The following CFAP74 variants were observed in gnomAD, a reference collection of about 807,000 sequenced individuals.
CFAP74 encodes the protein cilia and flagella associated protein 74, also known as cilia- and flagella-associated protein 74.
CFAP74 carries 124 observed loss-of-function variants against 188.9 expected under a neutral mutation model. That is an observed-to-expected ratio of 0.66 (90% CI 0.57 to 0.76). The LOEUF is 0.76. CFAP74 is among the 30% of genes least tolerant of loss of function. The pLI, the probability that CFAP74 is intolerant of heterozygous loss-of-function variation, is 0.00. For synonymous variants in CFAP74, 956 were observed against 916.7 expected (o/e 1.04, Z -0.77); for missense variants, 2,198 against 2,165.2 (o/e 1.02, Z -0.30).
chr1:1,957,826 T>A (rs1654766091), intron 16 of CFAP74, among the ~76,000 whole-genome samples: 1 of 151,466 alleles, frequency 6.6e-6, no homozygotes, highest in Admixed American at 6.6e-5. Flanking sequence ...TGGGCCTGAG[T>A]CTTGGCTCAC....
At chr1:1,978,647 G>T (rs28645949) in intron 6 of CFAP74, among the ~76,000 whole-genome samples, 46,058 of 152,016 alleles carry the variant, frequency 0.3, 7,260 homozygotes, top group Non-Finnish European at 0.34. Flanking sequence ...GATTCTCCTC[G>T]GAGGCTTCCG....
chr1:1,933,444 T>G (rs1291336683), intron 25 of CFAP74, among the ~76,000 whole-genome samples: 1 of 152,178 alleles, frequency 6.6e-6, no homozygotes, highest in Non-Finnish European at 1.5e-5. Flanking sequence ...CCTCCCAAAG[T>G]GCTGGGATTA....
chr1:1,929,050 C>G (rs964874010), intron 26 of CFAP74, among the ~76,000 whole-genome samples, 168 bp from the exon 27 acceptor site: 2 of 152,034 alleles, frequency 1.3e-5, no homozygotes, highest in Admixed American at 1.3e-4. Context: ...ACCTCTGTCC[C>G]CCAGGAGGCT....
At chr1:1,988,774 G>C (rs1657394993) in intron 3 of CFAP74, 115 bp downstream of exon 3, 4 of 1,342,892 alleles carry the variant, frequency 3.0e-6, no homozygotes, top group Non-Finnish European at 4.1e-6. Context: ...AGCTGCGGGA[G>C]CTACAGCCTG....
chr1:1,942,050 C>A lies in CFAP74; in HGVS notation c.2593G>T (p.Val865Leu). 1.3e-6 allele frequency: 2 copies of A among 1,523,788 alleles called. No homozygotes were observed. The highest frequency in any genetic ancestry group is 1.8e-6 in the Non-Finnish European group (2 of 1,141,570). 94.4% of individuals were successfully genotyped at this position (1,523,788 alleles called of 1,614,324 possible). A position where few individuals can be genotyped will look rare whatever the true frequency, so the allele number is the denominator to read the frequency against. ...TACCGCGGCAGGAACTTGAGCTGCA[C>A]GGAGTAGGACGACTGTGCCTGGATA... ...GYIQAQSSYSVQLKFLPRHSL... is the reference protein window; with the variant it reads ...GYIQAQSSYSLQLKFLPRHSL... Residue 865 changes from valine (V) to leucine (L), a missense_variant, in exon 22 of 39, where the codon GTG becomes TTG. Coordinates refer to ENST00000682832, the MANE Select transcript of CFAP74 (RefSeq NM_001304360.2). The surrounding 1 kb of genome is among the most constrained non-coding windows in gnomAD (Gnocchi z 4.3).
chr1:1,970,902 T>TGC, intron 9 of CFAP74, 86 bp from the exon 10 acceptor site: 1 of 1,522,972 alleles, frequency 6.6e-7, no homozygotes, highest in African/African-American at 1.4e-5. Flanking sequence ...CACACACAGG[T>TGC]TCATACATGC....
rs1347046581 is a variant in CFAP74, at chr1:1,965,043, C to T, written c.1420G>A (p.Asp474Asn). The change falls in exon 13 of 39, where the codon GAC becomes AAC. Residue 474 changes from aspartate to asparagine, a missense_variant. Asp to Asn is a conservative substitution (Grantham distance 23, BLOSUM62 1). Coordinates refer to ENST00000682832, the MANE Select transcript of CFAP74 (RefSeq NM_001304360.2). ...TTTGTCCCGCCCACGGGCTTTCGGT[C>T]CACGTCCTCCTTGGGCACCTGGGGG... is the stretch of plus-strand genomic sequence containing the variant. ...KPYQVPKEDV[D>N]RKPVGGTKMD... 1 of 1,612,928 alleles carries T rather than the reference C, an allele frequency of 6.2e-7. No individual in the cohort carries two copies. Among genetic ancestry groups the T allele is most frequent in the Non-Finnish European group, 8.5e-7 (1 of 1,179,318 alleles).
intron 14 of CFAP74, among the ~76,000 whole-genome samples, chr1:1,963,419 T>C (rs1481787342): frequency 8.1e-6 from 1 of 123,998 alleles, no homozygotes; most frequent in African/African-American, 3.2e-5. Context: ...CCATCGCACT[T>C]GCACTCCAGC....
intron 18 of CFAP74, chr1:1,953,791 G>A (rs1654351771): frequency 1.3e-5 from 2 of 153,480 alleles, no homozygotes; most frequent in South Asian, 2.1e-4. Flanking sequence ...GACCCTGGAG[G>A]AGAAAAAAAT....
chr1:1,975,106 CCACAGCTCTGTCCTAGA>C lies in CFAP74; in HGVS notation c.501-925_501-909del, dbSNP rs1477154678. Among the ~76,000 whole-genome samples, 1 of 152,246 alleles carries C rather than the reference CCACAGCTCTGTCCTAGA, an allele frequency of 6.6e-6. No individual in the cohort carries two copies. The highest frequency in any genetic ancestry group is 2.4e-5 in the African/African-American group (1 of 41,468). ...TTGCTGACATTCCACGTGACGTGTG[CCACAGCTCTGTCCTAGA>C]CACCCGCGATCATGTTCATTTCCAC... On this transcript the variant is annotated intron_variant, in intron 6 of 38. Transcript: ENST00000682832. This position sits in a 1 kb window ranked among gnomAD's most constrained non-coding sequence, Gnocchi z 4.5.
At position 1,926,965 on chromosome 1, in the gene CFAP74, T is replaced by C. The variant is rs764368004; in HGVS notation, c.3591A>G (p.Thr1197=). 2 of 1,550,132 alleles carry C rather than the reference T, an allele frequency of 1.3e-6. No homozygotes were observed. The highest frequency in any genetic ancestry group is 1.2e-5 in the South Asian group (1 of 84,072). Residue 1197 remains threonine, a synonymous_variant, in exon 29 of 39, where the codon ACA becomes ACG. Transcript: ENST00000682832. The part of the protein sequence containing the change: ...LLRAFQAKFD[T]FVVPCVVASG... Reference sequence around the variant, plus strand: ...TGGCAACAACACAGGGAACTACAAATGTGTCAAACTTCGCCTGGAACGCTC... The same window carrying C: ...TGGCAACAACACAGGGAACTACAAACGTGTCAAACTTCGCCTGGAACGCTC...
In CFAP74 at chr1:1,970,745, C is replaced by T. The variant is rs779109726; in HGVS notation, c.960G>A (p.Glu320=). The T allele has an allele frequency of 6.2e-7, 1 of 1,614,200 alleles. No homozygotes were observed. The highest frequency in any genetic ancestry group is 1.7e-5 in the Admixed American group (1 of 60,016). Residue 320 remains glutamate, a synonymous_variant, in exon 10 of 39, where the codon GAG becomes GAA. Transcript: ENST00000682832. Reference sequence around the variant, plus strand: ...TGCCCTGGGCCAGAATCGCCTTCTTCTCAGCCTGGACCCTCTGCTCCGCCA... The same window carrying T: ...TGCCCTGGGCCAGAATCGCCTTCTTTTCAGCCTGGACCCTCTGCTCCGCCA... ...AELAEQRVQA[E]KKAILAQGRD...
At chr1:1,954,041 C>G (rs1654367939) in intron 18 of CFAP74, 2 of 152,228 alleles carry the variant, frequency 1.3e-5, no homozygotes, top group African/African-American at 4.8e-5. Flanking sequence ...AAGGGATAGC[C>G]TTAAACAGAG....
intron 34 of CFAP74, 81 bp from the exon 35 acceptor site, chr1:1,924,010 T>G: frequency 1.1e-5 from 16 of 1,444,832 alleles, no homozygotes; most frequent in South Asian, 1.3e-5. Context: ...CATAGAGCTC[T>G]ACACCCTGCC....
At chr1:1,971,095 A>T (rs1197492773) in intron 9 of CFAP74, among the ~76,000 whole-genome samples, 1 of 148,508 alleles carries the variant, frequency 6.7e-6, no homozygotes, top group Non-Finnish European at 1.5e-5. Flanking sequence ...ATACATGCAC[A>T]CCTGCACACG....
intron 25 of CFAP74, among the ~76,000 whole-genome samples, chr1:1,931,911 C>T (rs1353534438): frequency 6.8e-6 from 1 of 146,774 alleles, no homozygotes; most frequent in African/African-American, 2.5e-5. Flanking sequence ...GAAAAAAATG[C>T]AAAAGTTAGC....
intron 25 of CFAP74, among the ~76,000 whole-genome samples, chr1:1,933,825 G>C (rs28493148): frequency 0.013 from 1,998 of 152,144 alleles, 37 homozygotes; most frequent in African/African-American, 0.043. Flanking sequence ...CTCTCTTTGG[G>C]TTTAATTTAC....
Position 1,941,328 on chromosome 1 carries a change from T to C in CFAP74, c.2615+700A>G, listed in dbSNP as rs112851423. 2.3e-3 allele frequency among the ~76,000 whole-genome samples: 357 copies of C among 152,294 alleles called. 1 individual carries two copies. The highest frequency in any genetic ancestry group is 8.0e-3 in the African/African-American group (331 of 41,556). ...CACTGAGCATCATTTGTCTGGACCT[T>C]GGTCCCGGCCCGGATGCTGAGGGCA... On this transcript the variant is annotated intron_variant, in intron 22 of 38. Coordinates refer to ENST00000682832, the MANE Select transcript of CFAP74 (RefSeq NM_001304360.2).
chr1:1,995,348 C>T (rs1012570196), intron 1 of CFAP74, among the ~76,000 whole-genome samples: 11 of 151,846 alleles, frequency 7.2e-5, no homozygotes, highest in African/African-American at 2.4e-4. Flanking sequence ...AAAAATTAGC[C>T]GGGCGTGATG....
Sources: allele counts gnomAD v4.1 joint callset (sites outside exome capture counted in the v4.1 genomes callset), GRCh38; gene constraint gnomAD v4.1.1; non-coding constraint Gnocchi (gnomAD v3.1); transcripts MANE v1.5; gene names NCBI Gene and HGNC (gene_info 2026-07-23, HGNC 2026-07-21).